ASMT: variants seen among roughly 807,000 people sequenced by gnomAD.
The protein encoded by ASMT is acetylserotonin N-methyltransferase.
Under a neutral mutation model 41.3 loss-of-function variants are expected in ASMT, and 53 were observed. The ratio of observed to expected loss-of-function variants is 1.28; its 90% CI spans 1.03 to 1.61. The LOEUF is 1.61. ASMT is among the 40% of genes most tolerant of loss of function. The pLI is 0.00. For synonymous variants in ASMT, 231 were observed against 184.8 expected (o/e 1.25, Z -2.03); for missense variants, 531 against 441.3 (o/e 1.20, Z -1.82).
intron 3 of ASMT, among the ~76,000 whole-genome samples, chrX:1,625,823 G>A (rs1214283012): frequency 1.8e-4 from 28 of 151,466 alleles, no homozygotes; most frequent in South Asian, 1.1e-3. Flanking sequence ...GCGTGGTGGC[G>A]GGCGCCTGTA....
At chrX:1,626,883 G>T (rs1322124002) in intron 3 of ASMT, among the ~76,000 whole-genome samples, 1 of 150,770 alleles carries the variant, frequency 6.6e-6, no homozygotes, top group East Asian at 2.0e-4. Flanking sequence ...ACAAAAATGA[G>T]CCAGGCATGG....
At chrX:1,627,394 G>A (rs1195375259) in intron 3 of ASMT, among the ~76,000 whole-genome samples, 1 of 151,832 alleles carries the variant, frequency 6.6e-6, no homozygotes, top group Non-Finnish European at 1.5e-5. Flanking sequence ...GGCCGAGGCG[G>A]GTGGATCACC....
chrX:1,632,869 GA>G (rs1934829663), intron 6 of ASMT, 82 bp downstream of exon 6: 1 of 533,760 alleles, frequency 1.9e-6, no homozygotes, highest in African/African-American at 1.9e-5. Flanking sequence ...GGGGGGCTGG[GA>G]GGCTGGGGGA....
At chrX:1,625,593 T>C (rs1462778006) in intron 3 of ASMT, among the ~76,000 whole-genome samples, 2 of 98,854 alleles carry the variant, frequency 2.0e-5, no homozygotes, top group Admixed American at 1.1e-4. Context: ...TAATGGAAAG[T>C]AAGAGAAAGA....
intron 7 of ASMT, among the ~76,000 whole-genome samples, chrX:1,635,414 A>T (rs1260481932): frequency 6.6e-6 from 1 of 152,076 alleles, no homozygotes; most frequent in African/African-American, 2.4e-5. Flanking sequence ...AGTCTTGCGT[A>T]TTTACTTTAA....
intron 8 of ASMT, among the ~76,000 whole-genome samples, chrX:1,640,530 C>CTG (rs1442581524): frequency 1.1e-3 from 67 of 58,280 alleles, no homozygotes; most frequent in Admixed American, 8.6e-3. Context: ...GGCACAGCCT[C>CTG]TGTGTATGAT....
intron 3 of ASMT, 70 bp from the exon 4 acceptor site, chrX:1,627,633 C>CGAAAT (rs542448808): frequency 0.07 from 83,387 of 1,198,224 alleles, 3,779 homozygotes; most frequent in Middle Eastern, 0.087. Context: ...CGAAATGAAA[C>CGAAAT]GAAATGAAAT....
At chrX:1,625,736 CG>C (rs1934516919) in intron 3 of ASMT, among the ~76,000 whole-genome samples, 1 of 151,354 alleles carries the variant, frequency 6.6e-6, no homozygotes, top group African/African-American at 2.4e-5. Flanking sequence ...GGGCGGATCA[CG>C]AGGTCAGGAG....
intron 1 of ASMT, among the ~76,000 whole-genome samples, chrX:1,617,857 C>T (rs764892372): frequency 6.6e-6 from 1 of 151,960 alleles, no homozygotes; most frequent in East Asian, 2.0e-4. Flanking sequence ...TCAGGTGATC[C>T]TCCTGGCCCC....
chrX:1,616,007 C>T (rs1310389537), intron 1 of ASMT, among the ~76,000 whole-genome samples: 5 of 151,534 alleles, frequency 3.3e-5, no homozygotes, highest in African/African-American at 7.3e-5. Flanking sequence ...AGGGTTCACC[C>T]GTAGAGGAGC....
intron 1 of ASMT, among the ~76,000 whole-genome samples, chrX:1,622,722 G>A (rs1934379963): frequency 6.7e-6 from 1 of 149,002 alleles, no homozygotes; most frequent in South Asian, 2.3e-4. Flanking sequence ...GACCAGCCTG[G>A]CCAACATGGT....
intron 3 of ASMT, 155 bp downstream of exon 3, chrX:1,624,553 G>A (rs867087782): frequency 1.1e-6 from 1 of 883,708 alleles, no homozygotes; most frequent in Non-Finnish European, 1.3e-6. Flanking sequence ...GATGCTGGGA[G>A]GTGGGGGCTG....
At chrX:1,621,980 C>G (rs1256108682) in intron 1 of ASMT, among the ~76,000 whole-genome samples, 1 of 151,040 alleles carries the variant, frequency 6.6e-6, no homozygotes, top group Non-Finnish European at 1.5e-5. Context: ...CAGGCGTGAG[C>G]CACCGCACCC....
intron 4 of ASMT, among the ~76,000 whole-genome samples, chrX:1,628,302 C>T (rs1934635524): frequency 6.6e-6 from 1 of 152,156 alleles, no homozygotes; most frequent in South Asian, 2.1e-4. Flanking sequence ...GCCTGGGCAA[C>T]AAGAGTGAAA....
intron 4 of ASMT, 84 bp downstream of exon 4, chrX:1,627,855 C>T: frequency 8.0e-7 from 1 of 1,248,756 alleles, no homozygotes; most frequent in African/African-American, 1.5e-5. Flanking sequence ...TCCATTTACT[C>T]AAATGGCACA....
chrX:1,617,884 A>G (rs1457489788), intron 1 of ASMT, among the ~76,000 whole-genome samples: 9 of 151,934 alleles, frequency 5.9e-5, no homozygotes, highest in Non-Finnish European at 1.3e-4. Flanking sequence ...TTCTTCTATC[A>G]TGGCTGTGGT....
At chrX:1,623,072 G>T in intron 1 of ASMT, 67 bp from the exon 2 acceptor site, 1 of 1,512,124 alleles carries the variant, frequency 6.6e-7, no homozygotes, top group Non-Finnish European at 9.2e-7. Context: ...CATGGTATGG[G>T]GTGTTTCTAA....
chrX:1,642,071 T>C (rs1207760435), intron 8 of ASMT, among the ~76,000 whole-genome samples: 5 of 146,586 alleles, frequency 3.4e-5, no homozygotes, highest in Admixed American at 1.4e-4. Flanking sequence ...TGATGGCCCA[T>C]GAGGATGTGG....
At chrX:1,634,349 A>C (rs1371606680) in intron 7 of ASMT, among the ~76,000 whole-genome samples, 1 of 152,106 alleles carries the variant, frequency 6.6e-6, no homozygotes, top group Non-Finnish European at 1.5e-5. Flanking sequence ...AACACACACC[A>C]CTCACTGCCA....
Sources: gnomAD v4.1 joint callset for allele counts (sites outside exome capture counted in the v4.1 genomes callset) on GRCh38, gnomAD v4.1.1 for gene constraint, MANE v1.5 for transcripts, NCBI Gene and HGNC (gene_info 2026-07-23, HGNC 2026-07-21) for gene names.